Variants in CNTN4 observed in about 807,000 individuals in gnomAD.
The protein encoded by CNTN4 is contactin 4.
In CNTN4, 77 loss-of-function variants were observed where a neutral mutation model predicts 122.5. That is an observed-to-expected ratio of 0.63 (90% CI 0.52 to 0.76). CNTN4 has a LOEUF of 0.76. Among genes scored for constraint, CNTN4 ranks in the 30% least tolerant of loss-of-function variants. CNTN4 has a pLI of 0.00. For synonymous variants in CNTN4, 512 were observed against 447.0 expected (o/e 1.15, Z -1.83); for missense variants, 1,256 against 1,259.1 (o/e 1.00, Z 0.04).
chr3:2,193,079 C>G (rs1444608583), intron 2 of CNTN4, among the ~76,000 whole-genome samples: 3 of 152,150 alleles, frequency 2.0e-5, no homozygotes, highest in Non-Finnish European at 1.5e-5. Flanking sequence ...TATGATGCAT[C>G]TTTACTGGAG....
chr3:2,400,404 AATAT>A lies in CNTN4; in HGVS notation c.-89+61191_-89+61194del, dbSNP rs36082705. 3.6e-3 allele frequency among the ~76,000 whole-genome samples: 329 copies of A among 91,434 alleles called. 8 individuals are homozygous for A. The highest frequency in any genetic ancestry group is 0.01 in the African/African-American group (286 of 27,824). 60.0% of individuals were successfully genotyped at this position (91,434 alleles called of 152,430 possible). On this transcript the variant is annotated intron_variant, in intron 3 of 24. Transcript: ENST00000418658. ...TGTGTGTGGTGTGTGTATGTGTGTGAATATATATATATATATATATATACATATA... is the reference window on the plus strand; with the variant it reads ...TGTGTGTGGTGTGTGTATGTGTGTGAATATATATATATATATATACATATA...
chr3:2,105,052 AGGCAT>A (rs1162177517), intron 2 of CNTN4, among the ~76,000 whole-genome samples: 1 of 152,172 alleles, frequency 6.6e-6, no homozygotes, highest in Non-Finnish European at 1.5e-5. Context: ...AGAACAGAAC[AGGCAT>A]GGACCCAGTG....
At chr3:2,971,790 T>G (rs921767824) in intron 13 of CNTN4, among the ~76,000 whole-genome samples, 1 of 152,226 alleles carries the variant, frequency 6.6e-6, no homozygotes, top group Non-Finnish European at 1.5e-5. Flanking sequence ...AATGGCAAGA[T>G]ATTTCTTTCT....
At chr3:2,577,529 G>A (rs1050695875) in intron 4 of CNTN4, among the ~76,000 whole-genome samples, 3 of 152,130 alleles carry the variant, frequency 2.0e-5, no homozygotes, top group African/African-American at 7.2e-5. Flanking sequence ...TTATACTTCT[G>A]TACAATGAAG....
intron 4 of CNTN4, among the ~76,000 whole-genome samples, chr3:2,708,564 C>G (rs2086885461): frequency 6.6e-6 from 1 of 152,152 alleles, no homozygotes; most frequent in African/African-American, 2.4e-5. Flanking sequence ...AATAAAGGAG[C>G]CCATTGGTAT....
intron 13 of CNTN4, among the ~76,000 whole-genome samples, chr3:2,943,072 G>A (rs2094632330): frequency 6.6e-6 from 1 of 152,154 alleles, no homozygotes; most frequent in Non-Finnish European, 1.5e-5. Flanking sequence ...TAGATGAGGT[G>A]TATACTATAC....
intron 2 of CNTN4, among the ~76,000 whole-genome samples, chr3:2,257,786 G>A (rs144396509): frequency 2.0e-5 from 3 of 152,114 alleles, no homozygotes; most frequent in African/African-American, 7.2e-5. Flanking sequence ...GAAATAGGCC[G>A]TGCATGGTGG....
At position 2,621,166 on chromosome 3, in the gene CNTN4, T is replaced by C. The variant is rs548383043; in HGVS notation, c.55+49608T>C. 1.2e-3 allele frequency among the ~76,000 whole-genome samples: 185 copies of C among 152,026 alleles called. 2 individuals are homozygous for C. The highest frequency in any genetic ancestry group is 4.2e-3 in the African/African-American group (172 of 41,444). ...TTCTCAGTTAACGTTAAGCACCCCCTGTTCTCGCGTCTTCCTCCTCACCTT... is the reference window on the plus strand; with the variant it reads ...TTCTCAGTTAACGTTAAGCACCCCCCGTTCTCGCGTCTTCCTCCTCACCTT... On this transcript the variant is annotated intron_variant, in intron 4 of 24. Transcript: ENST00000418658.
At chr3:2,659,460 C>CAAAAA (rs59025670) in intron 4 of CNTN4, among the ~76,000 whole-genome samples, 45 of 53,880 alleles carry the variant, frequency 8.4e-4, no homozygotes, top group Non-Finnish European at 9.1e-4. Context: ...GACTCCATCT[C>CAAAAA]AAAAAAAAAA....
intron 2 of CNTN4, among the ~76,000 whole-genome samples, chr3:2,294,313 C>T (rs2042231988): frequency 8.5e-6 from 1 of 118,340 alleles, no homozygotes; most frequent in East Asian, 2.3e-4. Flanking sequence ...TACTGAATAC[C>T]TCACTCAAGA....
At position 2,629,619 on chromosome 3, in the gene CNTN4, C is replaced by T. The variant is rs181368817; in HGVS notation, c.55+58061C>T. 588 of 435,638 alleles carry T rather than the reference C, an allele frequency of 1.3e-3. 3 individuals are homozygous for T. Among genetic ancestry groups the T allele is most frequent in the African/African-American group, 0.011 (521 of 48,578 alleles). The allele number at this position is 435,638 out of a possible 1,614,324, so 27.0% of individuals were successfully genotyped here. A position where few individuals can be genotyped will look rare whatever the true frequency, so the allele number is the denominator to read the frequency against. On this transcript the variant is annotated intron_variant, in intron 4 of 24. Coordinates refer to ENST00000418658, the MANE Select transcript of CNTN4 (RefSeq NM_175607.3). ...TAAGAAAATAGAAAAGCCTAAGTTA[C>T]AGCACCAGCTTTCTTAGTTTTCCAC...
chr3:2,718,850 A>T (rs561773325), intron 4 of CNTN4, among the ~76,000 whole-genome samples: 1 of 152,332 alleles, frequency 6.6e-6, no homozygotes, highest in African/African-American at 2.4e-5. Context: ...AAATGTAGAC[A>T]TATGCACATT....
chr3:2,546,724 G>C (rs930972496), intron 3 of CNTN4, among the ~76,000 whole-genome samples: 1 of 152,064 alleles, frequency 6.6e-6, no homozygotes. Flanking sequence ...ATTAAGTACA[G>C]ATATTGATTA....
chr3:2,442,804 C>G (rs1220697997), intron 3 of CNTN4, among the ~76,000 whole-genome samples: 2 of 152,110 alleles, frequency 1.3e-5, no homozygotes, highest in Admixed American at 1.3e-4. Flanking sequence ...TCCTAAATTA[C>G]CAAACATTTT....
intron 3 of CNTN4, among the ~76,000 whole-genome samples, chr3:2,470,196 C>T (rs2075636533): frequency 6.6e-6 from 1 of 152,072 alleles, no homozygotes; most frequent in African/African-American, 2.4e-5. Context: ...TCTGCCTCAG[C>T]ATCCTGAGTA....
chr3:2,445,825 A>G (rs559215321), intron 3 of CNTN4, among the ~76,000 whole-genome samples: 1 of 152,030 alleles, frequency 6.6e-6, no homozygotes, highest in Non-Finnish European at 1.5e-5. Context: ...TCTCCACCAC[A>G]TCCTCTTTTA....
At chr3:2,123,469 G>T (rs1045909628) in intron 2 of CNTN4, among the ~76,000 whole-genome samples, 3 of 152,114 alleles carry the variant, frequency 2.0e-5, no homozygotes, top group Non-Finnish European at 4.4e-5. Context: ...GTTCTTGTTT[G>T]GAAGGGTCCT....
In CNTN4 at chr3:2,423,959, G is replaced by GATAGC. The variant is rs2047713118; in HGVS notation, c.-89+84728_-89+84729insAGCAT. On this transcript the variant is annotated intron_variant, in intron 3 of 24. Transcript: ENST00000418658. ...GGGGTGGAGGGAGGGGGTTTTTTTT[G>GATAGC]ATTAGGCAACATACCTAATGTAAAT... Among the ~76,000 whole-genome samples, 2 of 39,430 alleles carry GATAGC rather than the reference G, an allele frequency of 5.1e-5. 1 individual carries two copies. Among genetic ancestry groups the GATAGC allele is most frequent in the African/African-American group, 2.0e-4 (2 of 10,028 alleles). 25.9% of individuals were successfully genotyped at this position (39,430 alleles called of 152,430 possible).
chr3:2,522,149 TTG>T (rs71621496), intron 3 of CNTN4, among the ~76,000 whole-genome samples: 6,870 of 63,220 alleles, frequency 0.11, 351 homozygotes, highest in African/African-American at 0.27. Flanking sequence ...CCTAAGCAGT[TTG>T]TGTGTGTGTG....
Sources: gnomAD v4.1 joint callset for allele counts (sites outside exome capture counted in the v4.1 genomes callset) on GRCh38, gnomAD v4.1.1 for gene constraint, MANE v1.5 for transcripts, NCBI Gene and HGNC (gene_info 2026-07-23, HGNC 2026-07-21) for gene names.